Variants in ARID3B observed in about 807,000 individuals in gnomAD.
ARID3B encodes AT-rich interaction domain 3B, also known as AT-rich interactive domain-containing protein 3B.
A neutral mutation model predicts 51.9 loss-of-function variants in ARID3B; 10 were observed. That is an observed-to-expected ratio of 0.19 (90% CI 0.12 to 0.33). ARID3B has a LOEUF of 0.33. Among genes scored for constraint, ARID3B ranks in the 10% least tolerant of loss-of-function variants. ARID3B has a pLI of 1.00. For missense variants in ARID3B, 483 were observed against 716.3 expected (o/e 0.67, Z 3.72); for synonymous variants, 205 against 279.5 (o/e 0.73, Z 2.66).
chr15:74,544,148 G>C lies in ARID3B; in HGVS notation c.212G>C (p.Arg71Thr), dbSNP rs753531472. Reference protein sequence around the residue: ...SGSTPLGPLARVPPTAAVAQV... With the variant: ...SGSTPLGPLATVPPTAAVAQV... ...AGCACTCCCTTAGGTCCCTTAGCCA[G>C]AGTTCCACCCACCGCAGCAGTGGCC... The change falls in exon 2 of 9, where the codon AGA (arginine) becomes ACA (threonine). Residue 71 changes from arginine (R) to threonine (T), a missense_variant. Transcript: ENST00000346246. The C allele has an allele frequency of 7.4e-6, 12 of 1,613,796 alleles. No homozygotes were observed. The highest frequency in any genetic ancestry group is 1.7e-5 in the Admixed American group (1 of 59,994).
chr15:74,597,984 G>GA lies in ARID3B; in HGVS notation c.*2215dup. On this transcript the variant is annotated 3_prime_UTR_variant, in exon 9 of 9. Transcript: ENST00000346246. The stretch of plus-strand genomic sequence containing the variant: ...TCCATCTTATATGTATTCTAACCAG[G>GA]AAAAATGTGATAGCACATGGGTAGC... 1.9e-6 allele frequency: 1 copy of GA among 532,258 alleles called. No homozygotes were observed. The highest frequency in any genetic ancestry group is 4.0e-5 in the East Asian group (1 of 25,188). The allele number at this position is 532,258 out of a possible 1,614,324, so 33.0% of individuals were successfully genotyped here. A position where few individuals can be genotyped will look rare whatever the true frequency, so the allele number is the denominator to read the frequency against.
rs368986093 is a variant in ARID3B at position 74,544,322 on chromosome 15, G to T, written c.386G>T (p.Arg129Leu). Residue 129 changes from arginine (R) to leucine (L), a missense_variant, in exon 2 of 9, where the codon CGC (arginine) becomes CTC (leucine). Physicochemically the swap from Arg to Leu is moderately radical, Grantham distance 102 (BLOSUM62 -2). Transcript: ENST00000346246. ...SKYFHVQKVA[R>L]QDPRVAPMSN... ...TATTTTCATGTGCAGAAAGTAGCTC[G>T]CCAAGATCCCAGAGTGGCACCCATG... The T allele has an allele frequency of 2.5e-6, 4 of 1,611,640 alleles. No homozygotes were observed. Among genetic ancestry groups the T allele is most frequent in the Non-Finnish European group, 8.5e-7 (1 of 1,178,752 alleles).
intron 2 of ARID3B, among the ~76,000 whole-genome samples, chr15:74,570,462 C>CAAAAAAAAAAAA (rs71137395): frequency 6.2e-5 from 4 of 64,592 alleles, no homozygotes; most frequent in Admixed American, 1.8e-4. Flanking sequence ...CTATAATTAG[C>CAAAAAAAAAAAA]AAAAAAAAAA....
At chr15:74,574,214 G>T (rs747370606) in intron 4 of ARID3B, 7 of 152,334 alleles carry the variant, frequency 4.6e-5, no homozygotes, top group Non-Finnish European at 8.8e-5. Flanking sequence ...CACCAGCCAG[G>T]TCAGCCCTCA....
In ARID3B at chr15:74,593,248, G is replaced by A; in HGVS notation, c.1519+12G>A. On this transcript the variant is annotated intron_variant, in intron 8 of 8. Transcript: ENST00000346246. ...CACCACCTATGCAGGTGAGGCCCTG[G>A]AGCTCTGGGGGAGGCCCACGTGGCC... 1.2e-6 allele frequency: 2 copies of A among 1,608,756 alleles called. No individual in the cohort carries two copies. Among genetic ancestry groups the A allele is most frequent in the Non-Finnish European group, 1.7e-6 (2 of 1,178,256 alleles).
chr15:74,546,264 G>A (rs1273301397), intron 2 of ARID3B, among the ~76,000 whole-genome samples: 1 of 152,228 alleles, frequency 6.6e-6, no homozygotes, highest in African/African-American at 2.4e-5. Flanking sequence ...CCGCACTGCT[G>A]TGTGGTTGGC....
intron 2 of ARID3B, among the ~76,000 whole-genome samples, chr15:74,545,953 C>T (rs1003081594): frequency 3.3e-5 from 5 of 152,172 alleles, no homozygotes; most frequent in Non-Finnish European, 7.3e-5. Context: ...AAGGATTAAC[C>T]GAGCTAGCAC....
chr15:74,594,670 G>A (rs1450415193), intron 8 of ARID3B, among the ~76,000 whole-genome samples: 3 of 152,220 alleles, frequency 2.0e-5, no homozygotes, highest in African/African-American at 4.8e-5. Context: ...TCAGAGCACC[G>A]CCCTGCAGGC....
chr15:74,556,779 T>G (rs563978321), intron 2 of ARID3B, among the ~76,000 whole-genome samples: 3 of 146,234 alleles, frequency 2.1e-5, no homozygotes, highest in South Asian at 2.2e-4. Context: ...GTTTTTTGTT[T>G]TTTTTTTTTT....
At chr15:74,593,380 A>G (rs1272704628) in intron 8 of ARID3B, 144 bp downstream of exon 8, 3 of 707,258 alleles carry the variant, frequency 4.2e-6, no homozygotes, top group Admixed American at 5.1e-5. Flanking sequence ...GCAAAGGTCA[A>G]GTGGTCCTCT....
At chr15:74,594,797 C>T (rs778364874) in intron 8 of ARID3B, among the ~76,000 whole-genome samples, 19 of 152,208 alleles carry the variant, frequency 1.2e-4, no homozygotes, top group Non-Finnish European at 1.9e-4. Flanking sequence ...GCAGACTCTG[C>T]TCAGAGGTCT....
intron 4 of ARID3B, among the ~76,000 whole-genome samples, chr15:74,575,365 C>G (rs2061734010): frequency 6.6e-6 from 1 of 152,230 alleles, no homozygotes; most frequent in Non-Finnish European, 1.5e-5. Context: ...AGACTAGGAG[C>G]TCCTCAAGGA....
intron 4 of ARID3B, among the ~76,000 whole-genome samples, chr15:74,577,798 G>C (rs987097085): frequency 9.2e-5 from 14 of 152,128 alleles, no homozygotes; most frequent in Admixed American, 6.5e-5. Flanking sequence ...CTCCCAAAGT[G>C]CTGGGATTAC....
chr15:74,591,710 C>T lies in ARID3B; in HGVS notation c.1316C>T (p.Ser439Leu), dbSNP rs1274318450. 2 of 1,613,900 alleles carry T rather than the reference C, an allele frequency of 1.2e-6. No homozygotes were observed. Among genetic ancestry groups the T allele is most frequent in the East Asian group, 2.2e-5 (1 of 44,874 alleles). ...GGGGAGCCTGCTGAGAAGAAGGCATCGAGGCTGTCTGAGGAGGAGCAGCGC... is the reference window on the plus strand; with the variant it reads ...GGGGAGCCTGCTGAGAAGAAGGCATTGAGGCTGTCTGAGGAGGAGCAGCGC... ...ESGEPAEKKA[S>L]RLSEEEQRLV... The change falls in exon 7 of 9, where the codon TCG becomes TTG. Residue 439 changes from serine to leucine, a missense_variant. Ser to Leu is a moderately radical substitution (Grantham distance 145). Coordinates refer to ENST00000346246, the MANE Select transcript of ARID3B (RefSeq NM_006465.4). This position sits in a 1 kb window ranked among gnomAD's most constrained non-coding sequence, Gnocchi z 5.8.
intron 2 of ARID3B, among the ~76,000 whole-genome samples, chr15:74,546,590 G>A (rs2061616768): frequency 6.6e-6 from 1 of 152,228 alleles, no homozygotes; most frequent in African/African-American, 2.4e-5. Context: ...TATCTAGATG[G>A]TGGCAGCCCT....
chr15:74,572,327 A>G (rs2061721930), intron 2 of ARID3B, among the ~76,000 whole-genome samples: 1 of 152,236 alleles, frequency 6.6e-6, no homozygotes, highest in Non-Finnish European at 1.5e-5. Context: ...GGTGGCCCTC[A>G]TATCACCATG....
At chr15:74,594,534 A>G (rs1438590354) in intron 8 of ARID3B, among the ~76,000 whole-genome samples, 2 of 152,206 alleles carry the variant, frequency 1.3e-5, no homozygotes, top group Non-Finnish European at 2.9e-5. Context: ...GCCCAAGGGC[A>G]TGCGGAGTGT....
intron 2 of ARID3B, among the ~76,000 whole-genome samples, chr15:74,556,203 A>G (rs921896136): frequency 3.9e-5 from 6 of 152,164 alleles, no homozygotes; most frequent in Non-Finnish European, 8.8e-5. Flanking sequence ...GGTCATTGCA[A>G]GGTTACTAAT....
At chr15:74,595,413 C>T (rs763165415) in intron 8 of ARID3B, among the ~76,000 whole-genome samples, 198 bp from the exon 9 acceptor site, 6 of 152,138 alleles carry the variant, frequency 3.9e-5, no homozygotes, top group Admixed American at 6.5e-5. Flanking sequence ...ATTACTCTGT[C>T]GACCTATCTG....
Sources: allele counts gnomAD v4.1 joint callset (sites outside exome capture counted in the v4.1 genomes callset), GRCh38; gene constraint gnomAD v4.1.1; non-coding constraint Gnocchi (gnomAD v3.1); transcripts MANE v1.5; gene names NCBI Gene and HGNC (gene_info 2026-07-23, HGNC 2026-07-21).